Variants in KPNA7 observed in about 807,000 individuals in gnomAD.
KPNA7 encodes karyopherin subunit alpha 7, also known as importin subunit alpha-8.
Under a neutral mutation model 53.7 loss-of-function variants are expected in KPNA7, and 54 were observed. The observed-to-expected ratio is 1.01, with a 90% CI of 0.81 to 1.26. The LOEUF (loss-of-function observed/expected upper bound fraction) is 1.26. Among genes scored for constraint, KPNA7 ranks in the 50% most tolerant of loss-of-function variants. KPNA7 has a pLI of 0.00. For synonymous variants in KPNA7, 276 were observed against 259.3 expected, an observed-to-expected ratio of 1.06 and a Z score of -0.62; for missense variants, 640 against 644.5, an observed-to-expected ratio of 0.99 and a Z score of 0.07.
chr7:99,183,712 C>T (rs1255673625), intron 8 of KPNA7, among the ~76,000 whole-genome samples: 1 of 152,140 alleles, frequency 6.6e-6, no homozygotes. Context: ...CTCCCCACCC[C>T]CAGCCCAAGG....
At chr7:99,160,138 C>A in the KPNA7 span, among the ~76,000 whole-genome samples, 1 of 148,296 alleles carries the variant, frequency 6.7e-6, no homozygotes, top group Non-Finnish European at 1.5e-5. Context: ...CATTCTCCTG[C>A]CTCAGCCTCC....
In KPNA7 at chr7:99,188,415, C is replaced by T. The variant is rs1023709548; in HGVS notation, c.785G>A (p.Cys262Tyr). 1.9e-6 allele frequency: 3 copies of T among 1,551,542 alleles called. No individual in the cohort carries two copies. In the African/African-American group the frequency reaches 4.1e-5, roughly 21 times the overall value. ...HQDSEVLSDA[C>Y]WALSYLTDGS... Reference sequence around the variant, plus strand: ...GTCGGTGAGGTAGGACAGTGCCCAGCAGGCATCCGAGAGAACCTCACTGTC... The same window carrying T: ...GTCGGTGAGGTAGGACAGTGCCCAGTAGGCATCCGAGAGAACCTCACTGTC... Residue 262 changes from cysteine to tyrosine, a missense_variant, in exon 7 of 11, where the codon TGC becomes TAC. Coordinates refer to ENST00000327442, the MANE Select transcript of KPNA7 (RefSeq NM_001145715.3).
At chr7:99,184,852 T>C (rs892905683) in intron 8 of KPNA7, 77 bp downstream of exon 8, 22 of 1,212,246 alleles carry the variant, frequency 1.8e-5, no homozygotes, top group East Asian at 2.5e-5. Flanking sequence ...TGCACCTGTG[T>C]CTGGATTCCT....
the KPNA7 span, among the ~76,000 whole-genome samples, chr7:99,152,827 C>G: frequency 0.012 from 1,785 of 152,258 alleles, 33 homozygotes; most frequent in African/African-American, 0.041. Flanking sequence ...TCTCTGAGTG[C>G]AGGATGAGGG....
At position 99,178,168 on chromosome 7, in the gene KPNA7, A is replaced by G. The variant is rs888409385; in HGVS notation, c.1318-102T>C. Reference sequence around the variant, plus strand: ...GAGCTGCCCCGAGTGGAAGCAGACCAAAGGCTACCATTCCAGAATGGATAG... The same window carrying G: ...GAGCTGCCCCGAGTGGAAGCAGACCGAAGGCTACCATTCCAGAATGGATAG... On this transcript the variant is annotated intron_variant, in intron 9 of 10. Transcript: ENST00000327442. The G allele has an allele frequency of 4.6e-5, 45 of 978,400 alleles. No homozygotes were observed. The African/African-American group carries it at 6.3e-4, about 14-fold the overall frequency. 60.6% of individuals were successfully genotyped at this position (978,400 alleles called of 1,614,324 possible). A position where few individuals can be genotyped will look rare whatever the true frequency, so the allele number is the denominator to read the frequency against.
Position 99,207,500 on chromosome 7 carries a change from G to T in KPNA7, c.-23-11C>A. ...GAAGTAGTAAGTTACCTGCAGGTTGGACAGCAACAAAGAAATTTTCAGTGC... is the reference window on the plus strand; with the variant it reads ...GAAGTAGTAAGTTACCTGCAGGTTGTACAGCAACAAAGAAATTTTCAGTGC... On this transcript the variant is annotated splice_polypyrimidine_tract_variant and intron_variant, in intron 1 of 10. Transcript: ENST00000327442. The T allele has an allele frequency of 6.7e-7, 1 of 1,483,668 alleles. No individual in the cohort carries two copies. Among genetic ancestry groups the T allele is most frequent in the African/African-American group, 1.4e-5 (1 of 71,646 alleles). 91.9% of individuals were successfully genotyped at this position (1,483,668 alleles called of 1,614,324 possible). A position where few individuals can be genotyped will look rare whatever the true frequency, so the allele number is the denominator to read the frequency against.
At chr7:99,218,565 GC>G (rs1397410874) in intron 1 of KPNA7, among the ~76,000 whole-genome samples, 1 of 152,164 alleles carries the variant, frequency 6.6e-6, no homozygotes, top group Non-Finnish European at 1.5e-5. Flanking sequence ...CACCCCGCAA[GC>G]CCGCGTCTGG....
Position 99,181,913 on chromosome 7 carries a change from G to A in KPNA7, c.1287C>T (p.Ile429=), listed in dbSNP as rs1789266458. ...LTAPDVKIVL[I]ILDVISCILQ... ...GGATGCAAGAGATGACATCAAGGAT[G>A]ATGAGAACAATTTTAACATCTGGGG... The change falls in exon 9 of 11, where the codon ATC becomes ATT. Residue 429 remains isoleucine, a synonymous_variant. Coordinates refer to ENST00000327442, the MANE Select transcript of KPNA7 (RefSeq NM_001145715.3). 2 of 1,550,740 alleles carry A rather than the reference G, an allele frequency of 1.3e-6. No homozygotes were observed.
chr7:99,201,012 C>T (rs1790503478), intron 3 of KPNA7, among the ~76,000 whole-genome samples: 1 of 152,104 alleles, frequency 6.6e-6, no homozygotes, highest in Admixed American at 6.6e-5. Context: ...CTCCATATAA[C>T]AGATTATCAT....
At chr7:99,170,143 G>A (rs915198626), downstream of KPNA7, among the ~76,000 whole-genome samples, 1 of 152,164 alleles carries the variant, frequency 6.6e-6, no homozygotes, top group African/African-American at 2.4e-5. Flanking sequence ...CCCGCTCACA[G>A]CCTGAGGACC....
At chr7:99,188,975 C>A (rs554217903) in intron 6 of KPNA7, among the ~76,000 whole-genome samples, 1 of 152,138 alleles carries the variant, frequency 6.6e-6, no homozygotes, top group Non-Finnish European at 1.5e-5. Context: ...AGCCATTGTG[C>A]CCGACTGAAC....
At chr7:99,209,719 T>C (rs1467319163), upstream of KPNA7, among the ~76,000 whole-genome samples, 6 of 126,512 alleles carry the variant, frequency 4.7e-5, no homozygotes, top group Non-Finnish European at 9.9e-5. Context: ...AAGAAAAAAA[T>C]CTGATTAGTC....
At chr7:99,209,279 C>T (rs1375296470), upstream of KPNA7, among the ~76,000 whole-genome samples, 1 of 152,142 alleles carries the variant, frequency 6.6e-6, no homozygotes, top group East Asian at 1.9e-4. Flanking sequence ...TGCACCAGCA[C>T]ATGGGGTCAG....
intron 10 of KPNA7, among the ~76,000 whole-genome samples, chr7:99,177,269 T>C (rs538820344): frequency 5.9e-4 from 89 of 151,896 alleles, no homozygotes; most frequent in Non-Finnish European, 1.1e-3. Context: ...GAGTTTCAGT[T>C]TGGGAAGATA....
At chr7:99,168,450 G>C in the KPNA7 span, among the ~76,000 whole-genome samples, 2 of 152,138 alleles carry the variant, frequency 1.3e-5, no homozygotes, top group Non-Finnish European at 2.9e-5. Context: ...CAGACCAGAA[G>C]GGTAAATCCT....
the KPNA7 span, among the ~76,000 whole-genome samples, chr7:99,165,678 G>C: frequency 6.6e-6 from 1 of 152,008 alleles, no homozygotes; most frequent in African/African-American, 2.4e-5. Flanking sequence ...TGATGTTTTG[G>C]TGTGACACTT....
chr7:99,183,850 T>G (rs1039365564), intron 8 of KPNA7, among the ~76,000 whole-genome samples: 1 of 152,150 alleles, frequency 6.6e-6, no homozygotes, highest in Non-Finnish European at 1.5e-5. Context: ...AATGTTTTTT[T>G]GTTTTTGTTT....
intron 2 of KPNA7, among the ~76,000 whole-genome samples, chr7:99,206,828 T>C (rs2150777617): frequency 6.6e-6 from 1 of 152,270 alleles, no homozygotes; most frequent in African/African-American, 2.4e-5. Flanking sequence ...AATTGCAAGA[T>C]TCCACGGAAA....
upstream of KPNA7, among the ~76,000 whole-genome samples, chr7:99,208,341 C>T (rs558671472): frequency 1.3e-5 from 2 of 152,218 alleles, no homozygotes; most frequent in Admixed American, 6.5e-5. Context: ...CTGCAAGCTC[C>T]GCCTCCCGGG....
Sources: allele counts gnomAD v4.1 joint callset (sites outside exome capture counted in the v4.1 genomes callset), GRCh38; gene constraint gnomAD v4.1.1; transcripts MANE v1.5; gene names NCBI Gene and HGNC (gene_info 2026-07-23, HGNC 2026-07-21).